The following LRP1B variants were observed in gnomAD, a reference collection of about 807,000 sequenced individuals.
LRP1B encodes low-density lipoprotein receptor-related protein 1B.
LRP1B carries 217 observed loss-of-function variants against 556.6 expected under a neutral mutation model. The observed-to-expected ratio is 0.39, with a 90% CI of 0.35 to 0.44. LRP1B has a LOEUF of 0.44. Ranked by LOEUF, LRP1B falls within the 20% of genes least tolerant of loss-of-function variation. The pLI, the probability that LRP1B is intolerant of heterozygous loss-of-function variation, is 1.00. For synonymous variants in LRP1B, 2,047 were observed against 1,865.8 expected (o/e 1.10, Z -2.50); for missense variants, 5,053 against 5,620.8 (o/e 0.90, Z 3.23).
At chr2:140,795,206 T>C (rs929213552) in intron 32 of LRP1B, among the ~76,000 whole-genome samples, 1 of 152,192 alleles carries the variant, frequency 6.6e-6, no homozygotes, top group Non-Finnish European at 1.5e-5. Flanking sequence ...CACATAGCTT[T>C]AGACAATGCA....
chr2:141,761,456 TAAC>T (rs1694544500), intron 2 of LRP1B, among the ~76,000 whole-genome samples: 1 of 151,268 alleles, frequency 6.6e-6, no homozygotes, highest in East Asian at 1.9e-4. Context: ...ATTTGAAAAA[TAAC>T]ACAAATACAC....
chr2:140,887,493 C>T (rs569462511), intron 23 of LRP1B, among the ~76,000 whole-genome samples: 1 of 152,146 alleles, frequency 6.6e-6, no homozygotes, highest in South Asian at 2.1e-4. Flanking sequence ...TTATTTCATA[C>T]CATAGACAAA....
intron 2 of LRP1B, among the ~76,000 whole-genome samples, chr2:141,773,082 A>C (rs1480805121): frequency 6.6e-6 from 1 of 152,158 alleles, no homozygotes; most frequent in African/African-American, 2.4e-5. Flanking sequence ...TCCCCAGATA[A>C]ATTTGTATTT....
intron 2 of LRP1B, among the ~76,000 whole-genome samples, chr2:141,672,188 C>T (rs1690697568): frequency 1.3e-5 from 2 of 152,028 alleles, no homozygotes; most frequent in Non-Finnish European, 2.9e-5. Flanking sequence ...AGATCTCAGG[C>T]AGCTTCTACT....
At chr2:141,474,779 T>C (rs1019192747) in intron 3 of LRP1B, among the ~76,000 whole-genome samples, 2 of 152,134 alleles carry the variant, frequency 1.3e-5, no homozygotes, top group Non-Finnish European at 2.9e-5. Context: ...AAACAAAATA[T>C]AAGAAAAGAT....
At chr2:141,718,484 T>C (rs1692699772) in intron 2 of LRP1B, among the ~76,000 whole-genome samples, 2 of 152,196 alleles carry the variant, frequency 1.3e-5, no homozygotes, top group Admixed American at 1.3e-4. Context: ...GGAATGACCC[T>C]ACATGCCTGT....
chr2:141,477,092 C>T (rs1160058204), intron 3 of LRP1B, among the ~76,000 whole-genome samples: 4 of 151,606 alleles, frequency 2.6e-5, no homozygotes, highest in African/African-American at 4.8e-5. Flanking sequence ...CATTGCACTC[C>T]AGCCTGGGCA....
chr2:141,139,284 C>A (rs1701572356), intron 7 of LRP1B, among the ~76,000 whole-genome samples: 1 of 151,766 alleles, frequency 6.6e-6, no homozygotes, highest in Non-Finnish European at 1.5e-5. Context: ...AAAACAAAAT[C>A]TTTATAACAT....
chr2:140,935,228 A>G (rs936174690), intron 20 of LRP1B, among the ~76,000 whole-genome samples: 6 of 152,170 alleles, frequency 3.9e-5, no homozygotes, highest in African/African-American at 1.4e-4. Context: ...CAAAGAATTT[A>G]AAACAACTGG....
intron 6 of LRP1B, among the ~76,000 whole-genome samples, chr2:141,216,752 T>G (rs1309757188): frequency 6.6e-6 from 1 of 152,220 alleles, no homozygotes; most frequent in East Asian, 1.9e-4. Flanking sequence ...TATTTAATAA[T>G]TTCCCTGTTG....
At position 141,019,916 on chromosome 2, in the gene LRP1B, G is replaced by T. The variant is rs2105396447; in HGVS notation, c.1970+6C>A. ...TCTTATATAAAGCTAGTCAAATATT[G>T]CATACCCATTAACTGGATCCACCAC... On this transcript the variant is annotated splice_donor_region_variant and intron_variant, in intron 12 of 90. Transcript: ENST00000389484. The T allele has an allele frequency of 6.4e-7, 1 of 1,555,714 alleles. No homozygotes were observed. The highest frequency in any genetic ancestry group is 1.9e-5 in the Admixed American group (1 of 52,894).
At chr2:141,892,762 C>T (rs1208036161) in intron 1 of LRP1B, among the ~76,000 whole-genome samples, 1 of 152,056 alleles carries the variant, frequency 6.6e-6, no homozygotes, top group Non-Finnish European at 1.5e-5. Flanking sequence ...TCTCTTGACT[C>T]ATCGTTCAGC....
At chr2:141,182,205 T>TA (rs1386304190) in intron 7 of LRP1B, among the ~76,000 whole-genome samples, 4 of 152,002 alleles carry the variant, frequency 2.6e-5, no homozygotes, top group African/African-American at 7.2e-5. Context: ...TTGGGATACA[T>TA]AAAAAATATT....
At chr2:141,920,287 GGT>G (rs199706332) in intron 1 of LRP1B, among the ~76,000 whole-genome samples, 15,806 of 132,862 alleles carry the variant, frequency 0.12, 1,246 homozygotes, top group Admixed American at 0.17. Context: ...TTTGGGGGGG[GGT>G]GGTAGGGATA....
intron 81 of LRP1B, 106 bp downstream of exon 81, chr2:140,323,778 TAAGTTACTG>T: frequency 8.3e-6 from 4 of 479,474 alleles, no homozygotes; most frequent in Non-Finnish European, 1.4e-5. Context: ...TAAAGTTACT[TAAGTTACTG>T]AGGTTAAGAC....
intron 43 of LRP1B, among the ~76,000 whole-genome samples, chr2:140,582,611 GA>G (rs1436971056): frequency 1.3e-5 from 2 of 152,102 alleles, no homozygotes; most frequent in African/African-American, 4.8e-5. Flanking sequence ...GCTGCCATGC[GA>G]GGAAACCATG....
At chr2:141,970,279 C>T (rs1383648464) in intron 1 of LRP1B, among the ~76,000 whole-genome samples, 2 of 151,432 alleles carry the variant, frequency 1.3e-5, no homozygotes, top group Non-Finnish European at 3.0e-5. Context: ...TATACAAGCA[C>T]ATATAAAATG....
At chr2:141,976,388 G>C (rs1701888016) in intron 1 of LRP1B, among the ~76,000 whole-genome samples, 2 of 152,058 alleles carry the variant, frequency 1.3e-5, no homozygotes, top group South Asian at 4.1e-4. Flanking sequence ...GAGTTTGTAA[G>C]AATTCTATCA....
intron 15 of LRP1B, among the ~76,000 whole-genome samples, chr2:141,001,719 T>C (rs1697430813): frequency 6.6e-6 from 1 of 152,108 alleles, no homozygotes; most frequent in South Asian, 2.1e-4. Flanking sequence ...AGGAAGTTTA[T>C]GGGTAGAGCA....
Sources: gnomAD v4.1 joint callset for allele counts (sites outside exome capture counted in the v4.1 genomes callset) on GRCh38, gnomAD v4.1.1 for gene constraint, MANE v1.5 for transcripts, NCBI Gene and HGNC (gene_info 2026-07-23, HGNC 2026-07-21) for gene names.